PEF1: variants seen among roughly 807,000 people sequenced by gnomAD.
The protein encoded by PEF1 is peflin.
A neutral mutation model predicts 32.0 loss-of-function variants in PEF1; 17 were observed. The observed-to-expected ratio is 0.53, with a 90% CI of 0.36 to 0.80. PEF1 has a LOEUF of 0.80. Ranked by LOEUF, PEF1 falls within the 30% of genes least tolerant of loss-of-function variation. The probability of loss-of-function intolerance (pLI) is 0.00; values close to 1 mark genes in which losing one functional copy is unlikely to be tolerated. For synonymous variants in PEF1, 130 were observed against 139.8 expected (o/e 0.93, Z 0.50); for missense variants, 362 against 369.1 (o/e 0.98, Z 0.16).
intron 1 of PEF1, among the ~76,000 whole-genome samples, chr1:31,641,576 C>G (rs1436957592): frequency 1.3e-5 from 2 of 152,170 alleles, no homozygotes; most frequent in Non-Finnish European, 2.9e-5. Context: ...CTTAAAGTTC[C>G]TCCAAAATAC....
chr1:31,643,328 TAA>T (rs1553154505), intron 1 of PEF1, among the ~76,000 whole-genome samples: 3 of 152,118 alleles, frequency 2.0e-5, no homozygotes, highest in African/African-American at 4.8e-5. Context: ...CAGCTATACT[TAA>T]GAGTATTTCC....
In PEF1 at chr1:31,630,861, C is replaced by T; in HGVS notation, c.626-19G>A. 2 of 1,577,326 alleles carry T rather than the reference C, an allele frequency of 1.3e-6. No homozygotes were observed. Among genetic ancestry groups the T allele is most frequent in the Non-Finnish European group, 1.7e-6 (2 of 1,162,472 alleles). On this transcript the variant is annotated intron_variant, in intron 4 of 4. Transcript: ENST00000373703. ...GACAGAGCTGGAGAAGAGGGGCACA[C>T]AGACCAGACACACAAAAACCTGCCA...
chr1:31,633,553 C>T (rs1008891989), intron 2 of PEF1, among the ~76,000 whole-genome samples: 1 of 152,190 alleles, frequency 6.6e-6, no homozygotes, highest in Admixed American at 6.5e-5. Context: ...CCAGACACTA[C>T]TCTTAATTGA....
rs984675758 is a variant in PEF1 at position 31,630,431 on chromosome 1, G to C, written c.*182C>G. The C allele has an allele frequency of 6.1e-6, 4 of 653,860 alleles. No homozygotes were observed. The highest frequency in any genetic ancestry group is 5.4e-5 in the African/African-American group (3 of 55,196). 40.5% of individuals were successfully genotyped at this position (653,860 alleles called of 1,614,324 possible). ...CCCCTATCTGTGTGGCCTCAGCCCC[G>C]GTCCTCACTATTTGGTGGCTATGAT... On this transcript the variant is annotated 3_prime_UTR_variant, in exon 5 of 5. Transcript: ENST00000373703.
intron 1 of PEF1, among the ~76,000 whole-genome samples, chr1:31,636,944 T>C (rs1237617857): frequency 1.3e-5 from 2 of 152,178 alleles, no homozygotes; most frequent in Non-Finnish European, 2.9e-5. Flanking sequence ...CCAACACATC[T>C]GCAGACAAGC....
chr1:31,640,386 C>G (rs886095773), intron 1 of PEF1, among the ~76,000 whole-genome samples: 8 of 152,136 alleles, frequency 5.3e-5, no homozygotes, highest in Non-Finnish European at 1.2e-4. Context: ...TACACTACCC[C>G]CTTCTGTTTG....
intron 1 of PEF1, among the ~76,000 whole-genome samples, chr1:31,642,805 T>C (rs1640436052): frequency 6.6e-6 from 1 of 152,220 alleles, no homozygotes; most frequent in Admixed American, 6.5e-5. Context: ...CCAGGCTCCC[T>C]GCATTTTAAC....
chr1:31,638,070 A>C (rs1326274058), intron 1 of PEF1, among the ~76,000 whole-genome samples: 2 of 152,178 alleles, frequency 1.3e-5, no homozygotes, highest in African/African-American at 4.8e-5. Context: ...AGCATAAGGA[A>C]AACAGGTGTT....
rs370334017 is a variant in PEF1 at position 31,630,586 on chromosome 1, G to A, written c.*27C>T. 4.6e-5 allele frequency: 73 copies of A among 1,601,442 alleles called. No homozygotes were observed. Among genetic ancestry groups the A allele is most frequent in the Non-Finnish European group, 5.5e-5 (64 of 1,170,818 alleles). ...TAAGAAGCCAGGAAAGGTCCCTGGT[G>A]CACTCCACTCTCCACAGATGGTTGG... On this transcript the variant is annotated 3_prime_UTR_variant, in exon 5 of 5. Coordinates refer to ENST00000373703, the MANE Select transcript of PEF1 (RefSeq NM_012392.4).
chr1:31,642,026 G>A (rs1640402719), intron 1 of PEF1, among the ~76,000 whole-genome samples: 2 of 152,242 alleles, frequency 1.3e-5, no homozygotes, highest in Non-Finnish European at 1.5e-5. Flanking sequence ...GAGGTTAGGA[G>A]TTTGAGACCA....
At position 31,635,399 on chromosome 1, in the gene PEF1, C is replaced by A; in HGVS notation, c.148G>T (p.Ala50Ser). 6.2e-7 allele frequency: 1 copy of A among 1,613,210 alleles called. No individual in the cohort carries two copies. Among genetic ancestry groups the A allele is most frequent in the East Asian group, 2.2e-5 (1 of 44,868 alleles). ...GGTGGTCCATAAGGCCCTCCAGGGGCAGGACCCCCATAACCACCACCAGGG... is the reference window on the plus strand; with the variant it reads ...GGTGGTCCATAAGGCCCTCCAGGGGAAGGACCCCCATAACCACCACCAGGG... ...LPPGGGYGGP[A>S]PGGPYGPPAG... Residue 50 changes from alanine to serine, a missense_variant, in exon 2 of 5, where the codon GCC becomes TCC. Transcript: ENST00000373703.
intron 4 of PEF1, among the ~76,000 whole-genome samples, chr1:31,631,092 T>C (rs1041490725): frequency 1.3e-5 from 2 of 152,232 alleles, no homozygotes; most frequent in Non-Finnish European, 2.9e-5. Flanking sequence ...TCTCTTCAAC[T>C]GAGGCTCAGG....
At position 31,632,399 on chromosome 1, in the gene PEF1, T is replaced by C. The variant is rs571495714; in HGVS notation, c.625+96A>G. On this transcript the variant is annotated intron_variant, in intron 4 of 4. Transcript: ENST00000373703. ...CAGCATTTTGTAGTGCAGGTGGACA[T>C]TCGGTAACAAGAGGAAACCCCTTTG... 1.3e-5 allele frequency: 20 copies of C among 1,586,276 alleles called. No homozygotes were observed. The African/African-American group carries it at 2.7e-4, about 21-fold the overall frequency.
intron 2 of PEF1, chr1:31,634,896 A>G (rs1640213135): frequency 3.9e-6 from 2 of 510,638 alleles, no homozygotes; most frequent in African/African-American, 3.8e-5. Context: ...TCTCTCTGCC[A>G]CAAAGATAAC....
intron 4 of PEF1, among the ~76,000 whole-genome samples, 179 bp from the exon 5 acceptor site, chr1:31,631,021 G>A (rs1162440280): frequency 6.6e-6 from 1 of 152,226 alleles, no homozygotes; most frequent in Non-Finnish European, 1.5e-5. Context: ...CAGGGACCGT[G>A]TCTGGATGCT....
At chr1:31,634,543 TTCTCCCCATGGTAGGCTACATTA>T (rs2148619111) in intron 2 of PEF1, among the ~76,000 whole-genome samples, 1 of 152,282 alleles carries the variant, frequency 6.6e-6, no homozygotes, top group Admixed American at 6.5e-5. Flanking sequence ...TAAACTGAGT[TTCTCCCCATGGTAGGCTACATTA>T]TCGTCTCCTG....
chr1:31,638,842 C>T (rs749768757), intron 1 of PEF1, among the ~76,000 whole-genome samples: 2 of 152,242 alleles, frequency 1.3e-5, no homozygotes, highest in Non-Finnish European at 2.9e-5. Flanking sequence ...GGACTTCATT[C>T]AGCACGCATT....
intron 1 of PEF1, among the ~76,000 whole-genome samples, chr1:31,639,932 G>A (rs1640353715): frequency 6.6e-6 from 1 of 152,170 alleles, no homozygotes; most frequent in Admixed American, 6.5e-5. Flanking sequence ...TGTTAGCAAA[G>A]GTCTGAACCA....
chr1:31,635,324 C>G lies in PEF1; in HGVS notation c.223G>C (p.Gly75Arg). 1 of 1,614,084 alleles carries G rather than the reference C, an allele frequency of 6.2e-7. No individual in the cohort carries two copies. Among genetic ancestry groups the G allele is most frequent in the Non-Finnish European group, 8.5e-7 (1 of 1,179,996 alleles). ...CCGCCATATGGTCCTCCTGGAGTTC[C>G]AGAGGGGAACATCCCAGGATTGGGG... ...GHPNPGMFPSGTPGGPYGGAA... is the reference protein window; with the variant it reads ...GHPNPGMFPSRTPGGPYGGAA... The change falls in exon 2 of 5, where the codon GGA becomes CGA. Residue 75 changes from glycine to arginine, a missense_variant. By Grantham distance (125) the Gly-to-Arg change is moderately radical. Coordinates refer to ENST00000373703, the MANE Select transcript of PEF1 (RefSeq NM_012392.4).
Sources: allele counts gnomAD v4.1 joint callset (sites outside exome capture counted in the v4.1 genomes callset), GRCh38; gene constraint gnomAD v4.1.1; transcripts MANE v1.5; gene names NCBI Gene and HGNC (gene_info 2026-07-23, HGNC 2026-07-21).